The following MINDY3 variants were observed in gnomAD, a reference collection of about 807,000 sequenced individuals.
MINDY3 encodes ubiquitin carboxyl-terminal hydrolase MINDY-3.
A neutral mutation model predicts 69.2 loss-of-function variants in MINDY3; 38 were observed. The observed-to-expected ratio is 0.55, with a 90% CI of 0.42 to 0.72. The LOEUF (loss-of-function observed/expected upper bound fraction) is 0.72, where lower values mean the gene tolerates loss of function less well. MINDY3 is among the 30% of genes least tolerant of loss of function. The pLI, the probability that MINDY3 is intolerant of heterozygous loss-of-function variation, is 0.00. For missense variants in MINDY3, 522 were observed against 519.0 expected (o/e 1.01, Z -0.06); for synonymous variants, 192 against 180.1 (o/e 1.07, Z -0.53).
intron 8 of MINDY3, among the ~76,000 whole-genome samples, chr10:15,831,892 TCTCGAA>T (rs1840491401): frequency 6.6e-6 from 1 of 152,064 alleles, no homozygotes; most frequent in South Asian, 2.1e-4. Context: ...GCCAGGCTGG[TCTCGAA>T]CTCCTCACCT....
intron 1 of MINDY3, among the ~76,000 whole-genome samples, chr10:15,854,338 C>A (rs1834538395): frequency 2.0e-5 from 3 of 152,064 alleles, no homozygotes; most frequent in Non-Finnish European, 1.5e-5. Flanking sequence ...TCCACTTCAA[C>A]CAAAATAATA....
rs544652380 is a variant in MINDY3 at position 15,859,564 on chromosome 10, T to A, written c.94+642A>T. On this transcript the variant is annotated intron_variant, in intron 1 of 14. Coordinates refer to ENST00000277632, the MANE Select transcript of MINDY3 (RefSeq NM_024948.4). ...ACTCTTCATGTAAGTAAAAGTCCTG[T>A]CTGGGTTACAAGCATACCGGCCGAG... Among the ~76,000 whole-genome samples, 7 of 152,316 alleles carry A rather than the reference T, an allele frequency of 4.6e-5. No homozygotes were observed. The South Asian group carries it at 1.4e-3, about 32-fold the overall frequency.
At position 15,807,379 on chromosome 10, in the gene MINDY3, T is replaced by A. The variant is rs147474942; in HGVS notation, c.882+9456A>T. 7.2e-5 allele frequency among the ~76,000 whole-genome samples: 11 copies of A among 152,216 alleles called. No homozygotes were observed. The East Asian group carries it at 1.4e-3, about 19-fold the overall frequency. On this transcript the variant is annotated intron_variant, in intron 10 of 14. Coordinates refer to ENST00000277632, the MANE Select transcript of MINDY3 (RefSeq NM_024948.4). ...CGGACACAATACGAATGGTGGAAGG[T>A]TGGACCAGGAATGCTGAGCAAGACT...
At chr10:15,814,626 A>G (rs1239018981) in intron 10 of MINDY3, among the ~76,000 whole-genome samples, 1 of 152,056 alleles carries the variant, frequency 6.6e-6, no homozygotes, top group Non-Finnish European at 1.5e-5. Flanking sequence ...GTTATTGCAC[A>G]TGACAGGGAT....
intron 1 of MINDY3, among the ~76,000 whole-genome samples, 192 bp from the exon 2 acceptor site, chr10:15,848,135 C>T (rs541913995): frequency 6.6e-5 from 10 of 152,118 alleles, no homozygotes; most frequent in South Asian, 2.1e-4. Context: ...CCCAAATGCA[C>T]GTAAGAGTAC....
chr10:15,817,481 A>G (rs1839453775), intron 9 of MINDY3: 1 of 152,278 alleles, frequency 6.6e-6, no homozygotes, highest in African/African-American at 2.4e-5. Context: ...TCTCTTTAAA[A>G]TGTATAAAAA....
intron 1 of MINDY3, among the ~76,000 whole-genome samples, chr10:15,848,174 A>G (rs1833988050): frequency 6.6e-6 from 1 of 152,164 alleles, no homozygotes; most frequent in Non-Finnish European, 1.5e-5. Flanking sequence ...GCACCCAGGA[A>G]CTCCTCTAGG....
intron 10 of MINDY3, among the ~76,000 whole-genome samples, chr10:15,812,959 T>C (rs1839110044): frequency 6.6e-6 from 1 of 152,132 alleles, no homozygotes; most frequent in South Asian, 2.1e-4. Flanking sequence ...ACTTTTTTCC[T>C]CTCTACCTCA....
At chr10:15,816,279 A>AT (rs1477361861) in intron 10 of MINDY3, among the ~76,000 whole-genome samples, 8 of 140,268 alleles carry the variant, frequency 5.7e-5, no homozygotes, top group Non-Finnish European at 1.0e-4. Flanking sequence ...AAAAAAAAAA[A>AT]ATGAAAAAGA....
chr10:15,854,105 A>C (rs1020509731), intron 1 of MINDY3, among the ~76,000 whole-genome samples: 14 of 152,158 alleles, frequency 9.2e-5, no homozygotes, highest in African/African-American at 1.4e-4. Context: ...GAGGTAAGAG[A>C]TCTATTAAAA....
intron 8 of MINDY3, among the ~76,000 whole-genome samples, chr10:15,822,852 G>C (rs970407282): frequency 6.6e-6 from 1 of 152,050 alleles, no homozygotes; most frequent in Admixed American, 6.6e-5. Context: ...TAATAATAAA[G>C]TCTTTTCATA....
At chr10:15,793,247 T>G (rs543468321) in intron 11 of MINDY3, among the ~76,000 whole-genome samples, 1 of 152,246 alleles carries the variant, frequency 6.6e-6, no homozygotes, top group African/African-American at 2.4e-5. Flanking sequence ...ACACTTTGAA[T>G]AGACCTGATA....
At chr10:15,805,813 G>C (rs1211749230) in intron 10 of MINDY3, among the ~76,000 whole-genome samples, 1 of 152,054 alleles carries the variant, frequency 6.6e-6, no homozygotes, top group African/African-American at 2.4e-5. Flanking sequence ...CTTCAGCCCA[G>C]ATCTTAAAAT....
At chr10:15,816,808 T>TA (rs760976202) in intron 10 of MINDY3, 27 bp downstream of exon 10, 572 of 1,513,184 alleles carry the variant, frequency 3.8e-4, no homozygotes, top group African/African-American at 5.7e-4. Flanking sequence ...TGTCATAACT[T>TA]AAAAAAAAAT....
chr10:15,797,098 G>T (rs1477503763), intron 10 of MINDY3, among the ~76,000 whole-genome samples: 1 of 151,978 alleles, frequency 6.6e-6, no homozygotes, highest in African/African-American at 2.4e-5. Flanking sequence ...CACAATTTTT[G>T]CAAGAAATGT....
In MINDY3 at chr10:15,832,579, T is replaced by C. The variant is rs561680947; in HGVS notation, c.730+1051A>G. Among the ~76,000 whole-genome samples, 5 of 152,318 alleles carry C rather than the reference T, an allele frequency of 3.3e-5. No individual in the cohort carries two copies. The South Asian group carries it at 1.0e-3, about 32-fold the overall frequency. ...TTTTTTGTTCACGAATTTCACTGTT[T>C]AAACTCTGACCTTTACTAGAAATCA... is the stretch of plus-strand genomic sequence containing the variant. On this transcript the variant is annotated intron_variant, in intron 8 of 14. Transcript: ENST00000277632.
chr10:15,781,956 GTCCAAT>G (rs1269600187), intron 14 of MINDY3, among the ~76,000 whole-genome samples, 193 bp downstream of exon 14: 2 of 152,122 alleles, frequency 1.3e-5, no homozygotes. Context: ...CTGCTCTGAA[GTCCAAT>G]GTCAGTTTCC....
intron 1 of MINDY3, chr10:15,858,016 A>G (rs1834817771): frequency 8.5e-6 from 7 of 820,988 alleles, no homozygotes; most frequent in Non-Finnish European, 1.0e-5. Context: ...GCAGCAAAGC[A>G]GTGTCTTGTG....
chr10:15,816,987 A>G (rs1839418986), intron 9 of MINDY3, 72 bp from the exon 10 acceptor site: 4 of 1,126,954 alleles, frequency 3.5e-6, no homozygotes, highest in Non-Finnish European at 5.3e-6. Context: ...TTGCCCATAA[A>G]TATCTGAAGC....
Sources: allele counts gnomAD v4.1 joint callset (sites outside exome capture counted in the v4.1 genomes callset), GRCh38; gene constraint gnomAD v4.1.1; transcripts MANE v1.5; gene names NCBI Gene and HGNC (gene_info 2026-07-23, HGNC 2026-07-21).